Variants in SAMMSON observed in about 807,000 individuals in gnomAD.
The protein encoded by SAMMSON is survival associated mitochondrial melanoma specific oncogenic non-coding RNA.
chr3:70,327,386 T>C (rs1234585302), intron 7 of SAMMSON, among the ~76,000 whole-genome samples: 1 of 152,164 alleles, frequency 6.6e-6, no homozygotes, highest in Non-Finnish European at 1.5e-5. Flanking sequence ...AACTCTATGA[T>C]TGCCCAGCTT....
chr3:70,180,218 A>G (rs1213693756), intron 4 of SAMMSON, among the ~76,000 whole-genome samples: 2 of 152,132 alleles, frequency 1.3e-5, no homozygotes, highest in African/African-American at 4.8e-5. Context: ...GTATTTCTTC[A>G]TAGATAAAAT....
chr3:70,184,899 T>G (rs1181963032), intron 4 of SAMMSON, among the ~76,000 whole-genome samples: 1 of 152,196 alleles, frequency 6.6e-6, no homozygotes, highest in Non-Finnish European at 1.5e-5. Flanking sequence ...GGACCAGGTT[T>G]GCAGTGACCT....
chr3:70,309,137 C>A (rs1575622309), intron 7 of SAMMSON, among the ~76,000 whole-genome samples: 1 of 152,118 alleles, frequency 6.6e-6, no homozygotes, highest in African/African-American at 2.4e-5. Context: ...TTGTGGAAGT[C>A]ACTGTAATAA....
At chr3:70,165,010 G>A (rs2067631491) in intron 4 of SAMMSON, among the ~76,000 whole-genome samples, 1 of 152,002 alleles carries the variant, frequency 6.6e-6, no homozygotes, top group African/African-American at 2.4e-5. Context: ...TGTACAGATA[G>A]ATTTTTAAGA....
chr3:70,169,831 T>TA (rs1442013854), intron 4 of SAMMSON, among the ~76,000 whole-genome samples: 1 of 151,828 alleles, frequency 6.6e-6, no homozygotes, highest in Admixed American at 6.6e-5. Context: ...GGTCTGTTGT[T>TA]AGTTTATAGG....
chr3:70,251,548 G>A (rs941919810), intron 6 of SAMMSON, among the ~76,000 whole-genome samples: 1 of 152,172 alleles, frequency 6.6e-6, no homozygotes, highest in Admixed American at 6.5e-5. Context: ...TGATGGTGGA[G>A]TGTACATTCC....
chr3:70,035,734 G>T (rs1266208059), intron 3 of SAMMSON, among the ~76,000 whole-genome samples: 1 of 152,106 alleles, frequency 6.6e-6, no homozygotes, highest in Admixed American at 6.6e-5. Context: ...GATGATAGCG[G>T]GAAAGGAAGG....
intron 3 of SAMMSON, among the ~76,000 whole-genome samples, chr3:70,028,151 C>G (rs372633325): frequency 2.2e-5 from 1 of 45,992 alleles, no homozygotes; most frequent in Non-Finnish European, 7.5e-5. Context: ...TCTTTCCTTC[C>G]TTCCTTCCTT....
chr3:70,075,357 C>T (rs2067244860), intron 4 of SAMMSON: 1 of 152,046 alleles, frequency 6.6e-6, no homozygotes, highest in Admixed American at 6.6e-5. Context: ...TCTGTTAAAA[C>T]AAAACAAAAT....
intron 4 of SAMMSON, among the ~76,000 whole-genome samples, chr3:70,237,201 C>G (rs1166344292): frequency 6.6e-6 from 1 of 152,140 alleles, no homozygotes; most frequent in Non-Finnish European, 1.5e-5. Context: ...CTATATTTTT[C>G]CCTTTGTTAG....
intron 7 of SAMMSON, among the ~76,000 whole-genome samples, chr3:70,323,402 C>T (rs1467278748): frequency 6.6e-6 from 1 of 152,134 alleles, no homozygotes; most frequent in Non-Finnish European, 1.5e-5. Flanking sequence ...TATGGTGACA[C>T]CAGGATGTTT....
chr3:70,283,868 T>G (rs994405519), intron 6 of SAMMSON: 2 of 152,092 alleles, frequency 1.3e-5, no homozygotes, highest in East Asian at 1.9e-4. Context: ...AATGTATTTT[T>G]AAGAGAATGT....
At chr3:70,263,147 T>C (rs969830966) in intron 6 of SAMMSON, among the ~76,000 whole-genome samples, 2 of 152,180 alleles carry the variant, frequency 1.3e-5, no homozygotes, top group South Asian at 2.1e-4. Context: ...ATAAACTCTA[T>C]ATTTGTCATT....
intron 1 of SAMMSON, among the ~76,000 whole-genome samples, chr3:70,007,597 A>C (rs1393896585): frequency 4.6e-5 from 7 of 150,888 alleles, no homozygotes; most frequent in East Asian, 1.9e-4. Context: ...TGTAGGTTGC[A>C]TGTTCACTCT....
intron 3 of SAMMSON, among the ~76,000 whole-genome samples, chr3:70,045,178 TA>T (rs2067121807): frequency 1.5e-5 from 2 of 133,916 alleles, no homozygotes; most frequent in Admixed American, 8.3e-5. Flanking sequence ...AATTTATATA[TA>T]TCGTTAATTA....
chr3:70,339,200 T>G (rs1702690746), intron 7 of SAMMSON, among the ~76,000 whole-genome samples: 1 of 152,194 alleles, frequency 6.6e-6, no homozygotes, highest in Admixed American at 6.5e-5. Flanking sequence ...GCTAGCCATA[T>G]GTAGAAAGCT....
At chr3:70,135,599 A>G (rs1021593022) in intron 4 of SAMMSON, among the ~76,000 whole-genome samples, 4 of 152,198 alleles carry the variant, frequency 2.6e-5, no homozygotes, top group South Asian at 2.1e-4. Flanking sequence ...CATAAAAGAT[A>G]AAAACACATA....
At chr3:70,327,367 A>G (rs757127182) in intron 7 of SAMMSON, among the ~76,000 whole-genome samples, 12 of 152,176 alleles carry the variant, frequency 7.9e-5, no homozygotes, top group Non-Finnish European at 1.5e-4. Flanking sequence ...GAGGAAGGAA[A>G]ACAAGAGGAA....
intron 6 of SAMMSON, among the ~76,000 whole-genome samples, chr3:70,288,698 C>G (rs1702193663): frequency 6.6e-6 from 1 of 151,782 alleles, no homozygotes; most frequent in African/African-American, 2.4e-5. Flanking sequence ...AAGTCTAAGT[C>G]TCTTTGTAGG....
Sources: allele counts gnomAD v4.1 joint callset (sites outside exome capture counted in the v4.1 genomes callset), GRCh38; gene constraint gnomAD v4.1.1; transcripts MANE v1.5; gene names NCBI Gene and HGNC (gene_info 2026-07-23, HGNC 2026-07-21).